The following MARCHF1 variants were observed in gnomAD, a reference collection of about 807,000 sequenced individuals.
MARCHF1 encodes the protein E3 ubiquitin-protein ligase MARCHF1.
In MARCHF1, 40 loss-of-function variants were observed where a neutral mutation model predicts 54.2. The observed-to-expected ratio is 0.74, with a 90% CI of 0.57 to 0.96. The LOEUF is 0.96. Among genes scored for constraint, MARCHF1 ranks in the 40% least tolerant of loss-of-function variants. The pLI, the probability that MARCHF1 is intolerant of heterozygous loss-of-function variation, is 0.00. For synonymous variants in MARCHF1, 236 were observed against 236.3 expected (o/e 1.00, Z 0.01); for missense variants, 586 against 656.5 (o/e 0.89, Z 1.17).
At chr4:164,210,523 G>C (rs1731734846) in intron 1 of MARCHF1, among the ~76,000 whole-genome samples, 1 of 152,158 alleles carries the variant, frequency 6.6e-6, no homozygotes, top group African/African-American at 2.4e-5. Context: ...CAAGAAAACT[G>C]TCATAGATAT....
intron 1 of MARCHF1, among the ~76,000 whole-genome samples, chr4:164,258,529 T>A (rs17044823): frequency 0.12 from 17,634 of 151,866 alleles, 1,585 homozygotes; most frequent in African/African-American, 0.25. Context: ...TATCTTATGG[T>A]TTGTAGGTCA....
At position 164,172,937 on chromosome 4, in the gene MARCHF1, C is replaced by T. The variant is rs568993785; in HGVS notation, c.-322-61275G>A. Among the ~76,000 whole-genome samples the T allele has an allele frequency of 5.1e-3, 752 of 148,382 alleles. 2 individuals are homozygous for T. The highest frequency in any genetic ancestry group is 9.3e-3 in the South Asian group (44 of 4,738). On this transcript the variant is annotated intron_variant, in intron 1 of 9. Coordinates refer to ENST00000514618, the MANE Select transcript of MARCHF1 (RefSeq NM_001394959.1). ...CGGAGCTTGCAGTGAGCCGAGATCACGCCACTGCACTCCAGCCTGGGCTAC... is the reference window on the plus strand; with the variant it reads ...CGGAGCTTGCAGTGAGCCGAGATCATGCCACTGCACTCCAGCCTGGGCTAC...
intron 1 of MARCHF1, among the ~76,000 whole-genome samples, chr4:164,248,936 T>C (rs924290204): frequency 9.2e-5 from 14 of 152,038 alleles, no homozygotes; most frequent in African/African-American, 3.4e-4. Context: ...TAAAAATTCA[T>C]AATTCATTGG....
chr4:163,579,473 C>T (rs1402453264), intron 8 of MARCHF1, among the ~76,000 whole-genome samples: 6 of 152,130 alleles, frequency 3.9e-5, no homozygotes, highest in African/African-American at 1.2e-4. Flanking sequence ...GCATACTAGA[C>T]TCCTCCTTCT....
chr4:164,264,962 A>G (rs966321017), intron 1 of MARCHF1, among the ~76,000 whole-genome samples: 4 of 151,448 alleles, frequency 2.6e-5, no homozygotes, highest in East Asian at 1.9e-4. Flanking sequence ...TTTTGCAAGT[A>G]TTACCATTGT....
chr4:163,716,461 T>C (rs1292797597), intron 4 of MARCHF1, among the ~76,000 whole-genome samples: 1 of 152,216 alleles, frequency 6.6e-6, no homozygotes, highest in Non-Finnish European at 1.5e-5. Context: ...TTAGGCATCC[T>C]GCAAACTCGA....
intron 1 of MARCHF1, among the ~76,000 whole-genome samples, chr4:164,372,262 T>C (rs1221148518): frequency 6.6e-6 from 1 of 152,178 alleles, no homozygotes; most frequent in African/African-American, 2.4e-5. Flanking sequence ...TCTTTGGGTC[T>C]ACATACAAAA....
In MARCHF1 at chr4:164,038,700, G is replaced by A. The variant is rs199716601; in HGVS notation, c.-247-49991C>T. 8.5e-5 allele frequency among the ~76,000 whole-genome samples: 13 copies of A among 152,134 alleles called. No individual in the cohort carries two copies. In the East Asian group the frequency reaches 2.5e-3, roughly 29 times the overall value. On this transcript the variant is annotated intron_variant, in intron 2 of 9. Transcript: ENST00000514618. ...TGATTGTATTTGGCAAACTCCAACT[G>A]GCCTCTTCATGTCTGTCTTGTATCC...
intron 5 of MARCHF1, chr4:163,613,747 A>G (rs1741427994): frequency 3.3e-6 from 1 of 305,660 alleles, no homozygotes; most frequent in East Asian, 1.7e-4. Context: ...CATGGACTAA[A>G]GCACTATTAT....
chr4:164,227,417 G>A (rs979173572), intron 1 of MARCHF1, among the ~76,000 whole-genome samples: 3 of 152,044 alleles, frequency 2.0e-5, no homozygotes, highest in African/African-American at 7.2e-5. Flanking sequence ...GTGAGATTTG[G>A]GTGGGGACAC....
intron 1 of MARCHF1, among the ~76,000 whole-genome samples, chr4:164,289,702 G>A (rs1308998801): frequency 2.6e-5 from 4 of 151,682 alleles, no homozygotes; most frequent in Non-Finnish European, 5.9e-5. Context: ...AACCCTCACA[G>A]GCTATGAGTA....
intron 4 of MARCHF1, among the ~76,000 whole-genome samples, chr4:163,820,321 T>C (rs11100517): frequency 0.79 from 120,224 of 151,920 alleles, 48,569 homozygotes; most frequent in South Asian, 0.91. Flanking sequence ...CAGCCCTCTC[T>C]TAGTGTTCTC....
chr4:163,634,980 C>A (rs1206939453), intron 5 of MARCHF1, among the ~76,000 whole-genome samples: 1 of 95,436 alleles, frequency 1.0e-5, no homozygotes, highest in African/African-American at 5.3e-5. Flanking sequence ...AACTGAACAA[C>A]CTGCTCCTGA....
intron 3 of MARCHF1, among the ~76,000 whole-genome samples, chr4:163,953,985 A>G (rs141872364): frequency 2.4e-4 from 37 of 152,306 alleles, no homozygotes; most frequent in African/African-American, 8.2e-4. Context: ...AAACTACAGC[A>G]GAATTATTCA....
chr4:164,288,910 A>G (rs923019471), intron 1 of MARCHF1, among the ~76,000 whole-genome samples: 1 of 152,092 alleles, frequency 6.6e-6, no homozygotes, highest in Non-Finnish European at 1.5e-5. Context: ...ACCTGTAAAC[A>G]AATTCCATTA....
At chr4:163,730,414 G>GT (rs1745791267) in intron 4 of MARCHF1, among the ~76,000 whole-genome samples, 1 of 151,880 alleles carries the variant, frequency 6.6e-6, no homozygotes, top group Non-Finnish European at 1.5e-5. Flanking sequence ...CTTATGGTTT[G>GT]TTTTTTCTTT....
chr4:163,636,131 C>T (rs1001588319), intron 5 of MARCHF1, among the ~76,000 whole-genome samples: 6 of 152,146 alleles, frequency 3.9e-5, no homozygotes, highest in Non-Finnish European at 7.3e-5. Flanking sequence ...AACCCACAGC[C>T]AATATCATAC....
intron 1 of MARCHF1, among the ~76,000 whole-genome samples, chr4:164,135,955 C>A (rs1756392704): frequency 6.6e-6 from 1 of 151,764 alleles, no homozygotes; most frequent in African/African-American, 2.4e-5. Flanking sequence ...ATACTTAAGC[C>A]CTAGAATAAT....
chr4:163,942,952 A>C (rs1427105170), intron 3 of MARCHF1, among the ~76,000 whole-genome samples: 1 of 152,100 alleles, frequency 6.6e-6, no homozygotes, highest in African/African-American at 2.4e-5. Flanking sequence ...AAAAGAACAA[A>C]ATGGATACAC....
Sources: gnomAD v4.1 joint callset for allele counts (sites outside exome capture counted in the v4.1 genomes callset) on GRCh38, gnomAD v4.1.1 for gene constraint, MANE v1.5 for transcripts, NCBI Gene and HGNC (gene_info 2026-07-23, HGNC 2026-07-21) for gene names.